Variants in IQCK observed in about 807,000 individuals in gnomAD.
IQCK encodes the protein IQ domain-containing protein K.
IQCK carries 29 observed loss-of-function variants against 28.1 expected under a neutral mutation model. The ratio of observed to expected loss-of-function variants is 1.03; its 90% CI spans 0.77 to 1.41. IQCK has a LOEUF of 1.41. Ranked by LOEUF, IQCK falls within the 40% of genes most tolerant of loss-of-function variation. The pLI is 0.00. For missense variants in IQCK, 359 were observed against 314.7 expected (o/e 1.14, Z -1.07); for synonymous variants, 113 against 115.1 (o/e 0.98, Z 0.12).
intron 7 of IQCK, chr16:19,819,491 TA>T (rs201143638): frequency 4.0e-3 from 565 of 140,380 alleles, no homozygotes; most frequent in Non-Finnish European, 4.0e-3. Context: ...AGACTCCATC[TA>T]AAAAAAAAAA....
chr16:19,834,455 C>T (rs2056270148), intron 9 of IQCK, among the ~76,000 whole-genome samples: 2 of 152,166 alleles, frequency 1.3e-5, no homozygotes, highest in African/African-American at 4.8e-5. Context: ...ACCCAAGTGC[C>T]CAATAGGCCA....
chr16:19,719,162 G>T (rs1352034372), intron 1 of IQCK, among the ~76,000 whole-genome samples: 1 of 152,116 alleles, frequency 6.6e-6, no homozygotes, highest in Non-Finnish European at 1.5e-5. Flanking sequence ...GATGGAACCA[G>T]ATAGTCACAA....
intron 4 of IQCK, among the ~76,000 whole-genome samples, chr16:19,749,818 G>T (rs1434708469): frequency 6.6e-6 from 1 of 151,970 alleles, no homozygotes; most frequent in South Asian, 2.1e-4. Flanking sequence ...ATGCTTTGAA[G>T]TCCTGGAACT....
chr16:19,773,308 T>G (rs569127610), intron 6 of IQCK, among the ~76,000 whole-genome samples: 81 of 152,274 alleles, frequency 5.3e-4, no homozygotes, highest in African/African-American at 1.9e-3. Context: ...TGGTCACCCC[T>G]CCAGAGACCC....
At chr16:19,757,730 C>T (rs2151704302) in intron 4 of IQCK, among the ~76,000 whole-genome samples, 1 of 152,256 alleles carries the variant, frequency 6.6e-6, no homozygotes, top group South Asian at 2.1e-4. Context: ...TGGTATTTTC[C>T]TCCTATTTCC....
intron 1 of IQCK, among the ~76,000 whole-genome samples, chr16:19,719,634 G>A (rs1190854766): frequency 6.7e-6 from 1 of 148,708 alleles, no homozygotes; most frequent in Non-Finnish European, 1.5e-5. Context: ...AATGTGATTA[G>A]TGCAATTGAG....
rs139158217 is a variant in IQCK at position 19,765,784 on chromosome 16, A to G, written c.605+1672A>G. Among the ~76,000 whole-genome samples the G allele has an allele frequency of 1.9e-3, 283 of 152,318 alleles. 2 individuals carry two copies. The highest frequency in any genetic ancestry group is 6.2e-3 in the African/African-American group (259 of 41,576). On this transcript the variant is annotated intron_variant, in intron 6 of 7. Transcript: ENST00000564186. ...CCTGATTTTATCCGCTATGAAATGT[A>G]TAGCCCAAAATTTATTGATTTACAT...
chr16:19,757,161 C>T (rs2055064040), intron 4 of IQCK, among the ~76,000 whole-genome samples: 2 of 152,160 alleles, frequency 1.3e-5, no homozygotes, highest in Admixed American at 1.3e-4. Flanking sequence ...TCTCAACCAA[C>T]ACAGTGCCGT....
At chr16:19,780,322 A>G (rs2151726104) in intron 6 of IQCK, among the ~76,000 whole-genome samples, 1 of 152,096 alleles carries the variant, frequency 6.6e-6, no homozygotes, top group South Asian at 2.1e-4. Context: ...GATTACAAGC[A>G]TGAGCCACTG....
intron 9 of IQCK, among the ~76,000 whole-genome samples, chr16:19,840,775 C>T (rs2056354985): frequency 6.6e-6 from 1 of 152,320 alleles, no homozygotes; most frequent in African/African-American, 2.4e-5. Flanking sequence ...AGTCCTCCCT[C>T]TCTCTCTCCT....
intron 9 of IQCK, among the ~76,000 whole-genome samples, chr16:19,852,869 G>A (rs535195368): frequency 1.3e-5 from 2 of 152,096 alleles, no homozygotes; most frequent in African/African-American, 2.4e-5. Context: ...TGATCTGCCC[G>A]CCTCAGCCTC....
chr16:19,843,655 G>C (rs1829854931), intron 9 of IQCK, among the ~76,000 whole-genome samples: 1 of 152,204 alleles, frequency 6.6e-6, no homozygotes, highest in Non-Finnish European at 1.5e-5. Flanking sequence ...TCTGGAGACT[G>C]TAAGTCTGAG....
chr16:19,720,977 A>C (rs1252583541), intron 1 of IQCK, among the ~76,000 whole-genome samples: 2 of 151,512 alleles, frequency 1.3e-5, no homozygotes, highest in Non-Finnish European at 2.9e-5. Context: ...GTGCCACTGC[A>C]CTCCAGCCTG....
At chr16:19,807,394 T>C (rs2151743765) in intron 7 of IQCK, among the ~76,000 whole-genome samples, 1 of 152,318 alleles carries the variant, frequency 6.6e-6, no homozygotes, top group Non-Finnish European at 1.5e-5. Context: ...TGGAGACCAA[T>C]ACAATAACTC....
At chr16:19,813,698 T>C (rs1042944768) in intron 7 of IQCK, among the ~76,000 whole-genome samples, 1 of 152,004 alleles carries the variant, frequency 6.6e-6, no homozygotes, top group Non-Finnish European at 1.5e-5. Flanking sequence ...CAAGAAACAA[T>C]GGTGAATGAG....
chr16:19,827,073 AC>A lies in IQCK; in HGVS notation c.739del (p.Leu247PhefsTer30). The stretch of plus-strand genomic sequence containing the variant: ...AAGAACTGCGTCAGTGGCAGAAGAA[AC>A]TTCGCGAGGCCAAGCACATTCACCA... On this transcript the variant is annotated frameshift_variant, in exon 8 of 8. Coordinates refer to ENST00000564186, the Ensembl canonical transcript of IQCK. LOFTEE classifies it low-confidence loss of function (END_TRUNC). 6.2e-7 allele frequency: 1 copy of A among 1,614,180 alleles called. No homozygotes were observed. The highest frequency in any genetic ancestry group is 8.5e-7 in the Non-Finnish European group (1 of 1,180,008).
intron 9 of IQCK, among the ~76,000 whole-genome samples, chr16:19,838,421 A>G (rs1016829035): frequency 6.6e-6 from 1 of 152,116 alleles, no homozygotes; most frequent in Non-Finnish European, 1.5e-5. Context: ...CATGTTTGAG[A>G]AGGTAGGAAG....
intron 9 of IQCK, among the ~76,000 whole-genome samples, chr16:19,832,514 G>T (rs1365241066): frequency 6.6e-6 from 1 of 151,986 alleles, no homozygotes; most frequent in African/African-American, 2.4e-5. Context: ...TTTAGGTAAA[G>T]GTGGTAATTA....
chr16:19,776,796 C>G (rs2055402322), intron 6 of IQCK, among the ~76,000 whole-genome samples: 1 of 152,180 alleles, frequency 6.6e-6, no homozygotes, highest in African/African-American at 2.4e-5. Context: ...TACCTTTTAA[C>G]AGGGGTAGAT....
Sources: allele counts gnomAD v4.1 joint callset (sites outside exome capture counted in the v4.1 genomes callset), GRCh38; gene constraint gnomAD v4.1.1; transcripts MANE v1.5; gene names NCBI Gene and HGNC (gene_info 2026-07-23, HGNC 2026-07-21).